Variants in PSD2 observed in about 807,000 individuals in gnomAD.
The protein encoded by PSD2 is pleckstrin and Sec7 domain containing 2, also known as PH and SEC7 domain-containing protein 2.
Under a neutral mutation model 69.8 loss-of-function variants are expected in PSD2, and 38 were observed. The ratio of observed to expected loss-of-function variants is 0.54; its 90% confidence interval spans 0.42 to 0.71. PSD2 has a LOEUF of 0.71. Among genes scored for constraint, PSD2 ranks in the 30% least tolerant of loss-of-function variants. The pLI, the probability that PSD2 is intolerant of heterozygous loss-of-function variation, is 0.00. For synonymous variants in PSD2, 412 were observed against 423.0 expected (o/e 0.97, Z 0.32); for missense variants, 943 against 1,014.5 (o/e 0.93, Z 0.96).
the PSD2 span, among the ~76,000 whole-genome samples, chr5:139,759,617 G>A: frequency 1.3e-5 from 2 of 152,216 alleles, no homozygotes; most frequent in African/African-American, 4.8e-5. Flanking sequence ...TTCTGGAGAC[G>A]GCGATTAATC....
At chr5:139,782,238 C>T in the PSD2 span, among the ~76,000 whole-genome samples, 1 of 152,150 alleles carries the variant, frequency 6.6e-6, no homozygotes. Flanking sequence ...GGCTGGAGTG[C>T]AGTGGCACAA....
intron 1 of PSD2, among the ~76,000 whole-genome samples, chr5:139,799,782 C>T (rs1338081783): frequency 2.0e-5 from 3 of 151,656 alleles, no homozygotes; most frequent in African/African-American, 4.8e-5. Flanking sequence ...TGGGGGGTAT[C>T]GGAGAAGGGG....
the PSD2 span, among the ~76,000 whole-genome samples, chr5:139,771,620 C>T: frequency 3.6e-4 from 55 of 152,198 alleles, 1 homozygote; most frequent in South Asian, 0.011. Flanking sequence ...CCTCGTGATC[C>T]GCCCACCTCG....
At chr5:139,838,890 A>AT (rs1180183958) in intron 13 of PSD2, 118 bp downstream of exon 13, 8 of 1,112,114 alleles carry the variant, frequency 7.2e-6, no homozygotes, top group Non-Finnish European at 9.0e-6. Flanking sequence ...GCTGAAGGAC[A>AT]CCAGAGAAGG....
the PSD2 span, among the ~76,000 whole-genome samples, chr5:139,790,604 A>G: frequency 6.6e-6 from 1 of 152,180 alleles, no homozygotes; most frequent in African/African-American, 2.4e-5. Context: ...AAGGGAAGAA[A>G]GTATGTCAAG....
the PSD2 span, chr5:139,775,376 CA>C: frequency 6.6e-6 from 1 of 152,244 alleles, no homozygotes; most frequent in African/African-American, 2.4e-5. Flanking sequence ...GCGGGAAGGT[CA>C]GGGGCGCCCA....
chr5:139,817,660 C>A, intron 5 of PSD2, 99 bp downstream of exon 5: 2 of 1,090,544 alleles, frequency 1.8e-6, no homozygotes, highest in Non-Finnish European at 2.8e-6. Context: ...CAACCTTGGG[C>A]AAGTCTTTTG....
chr5:139,751,652 T>G, the PSD2 span, among the ~76,000 whole-genome samples: 1 of 152,192 alleles, frequency 6.6e-6, no homozygotes, highest in Non-Finnish European at 1.5e-5. Flanking sequence ...TGTTTCACAG[T>G]GTGCCTGTGA....
In PSD2 at chr5:139,814,825, G is replaced by T. The variant is rs1483188463; in HGVS notation, c.1016+461G>T. On this transcript the variant is annotated intron_variant, in intron 4 of 14. Coordinates refer to ENST00000274710, the MANE Select transcript of PSD2 (RefSeq NM_032289.4). The surrounding 1 kb of genome is among the most constrained non-coding windows in gnomAD (Gnocchi z 4.4). ...AGCTGAAGGGGCTGAAGCCCCCAAAGCACACACCCTGGCCTTCAGACCAGG... is the reference window on the plus strand; with the variant it reads ...AGCTGAAGGGGCTGAAGCCCCCAAATCACACACCCTGGCCTTCAGACCAGG... Among the ~76,000 whole-genome samples, 1 of 152,110 alleles carries T rather than the reference G, an allele frequency of 6.6e-6. No homozygotes were observed. Among genetic ancestry groups the T allele is most frequent in the Non-Finnish European group, 1.5e-5 (1 of 68,004 alleles).
At chr5:139,825,404 G>C (rs1760391655) in intron 7 of PSD2, among the ~76,000 whole-genome samples, 1 of 152,206 alleles carries the variant, frequency 6.6e-6, no homozygotes, top group South Asian at 2.1e-4. Flanking sequence ...GTTATTTGGG[G>C]TTCCTACCTT....
intron 14 of PSD2, among the ~76,000 whole-genome samples, chr5:139,840,552 A>AT (rs200975712): frequency 0.082 from 11,578 of 140,970 alleles, 464 homozygotes; most frequent in Non-Finnish European, 0.088. Flanking sequence ...TCTCATTACT[A>AT]TTTTTTTTTT....
chr5:139,757,187 G>C, the PSD2 span, among the ~76,000 whole-genome samples: 1 of 152,180 alleles, frequency 6.6e-6, no homozygotes, highest in African/African-American at 2.4e-5. Flanking sequence ...GGGGGCAAAG[G>C]GTTTGGAGCT....
the PSD2 span, among the ~76,000 whole-genome samples, chr5:139,761,925 C>T: frequency 6.6e-6 from 1 of 152,228 alleles, no homozygotes; most frequent in Admixed American, 6.5e-5. Flanking sequence ...TACCTCATCC[C>T]AACCATGAGG....
rs1760885895 is a variant in PSD2, at chr5:139,842,203, T to G, written c.2113-68T>G. 10 of 1,306,214 alleles carry G rather than the reference T, an allele frequency of 7.7e-6. No homozygotes were observed. In the South Asian group the frequency reaches 1.2e-4, roughly 16 times the overall value. The allele number at this position is 1,306,214 out of a possible 1,614,324, so 80.9% of individuals were successfully genotyped here. A position where few individuals can be genotyped will look rare whatever the true frequency, so the allele number is the denominator to read the frequency against. On this transcript the variant is annotated intron_variant, in intron 14 of 14. Transcript: ENST00000274710. ...GCATATTAAGGAAATTAGTCTTTTG[T>G]CATATAAGGTGCACATACTTTTTTC...
the PSD2 span, chr5:139,745,037 T>C: frequency 1.3e-5 from 2 of 152,590 alleles, no homozygotes; most frequent in African/African-American, 4.8e-5. Flanking sequence ...TGGAGTCTCT[T>C]AGCTGTCCTG....
At chr5:139,777,958 C>T in the PSD2 span, among the ~76,000 whole-genome samples, 1,053 of 152,350 alleles carry the variant, frequency 6.9e-3, 14 homozygotes, top group African/African-American at 0.023. Context: ...TCCCAACAAC[C>T]ATTCCCTCTC....
At chr5:139,806,436 T>C (rs1475656869) in intron 1 of PSD2, among the ~76,000 whole-genome samples, 1 of 152,240 alleles carries the variant, frequency 6.6e-6, no homozygotes, top group African/African-American at 2.4e-5. Context: ...TCCTGGGTTC[T>C]AGAGACAGCT....
At chr5:139,790,239 C>T in the PSD2 span, among the ~76,000 whole-genome samples, 4 of 151,776 alleles carry the variant, frequency 2.6e-5, no homozygotes, top group Non-Finnish European at 5.9e-5. Flanking sequence ...GCCTTGTGGT[C>T]GTGATGTTTA....
chr5:139,748,754 C>G, the PSD2 span, among the ~76,000 whole-genome samples: 25 of 152,356 alleles, frequency 1.6e-4, no homozygotes, highest in African/African-American at 6.0e-4. Context: ...TCGTCTGTCT[C>G]GGCTCCGCGG....
Sources: allele counts gnomAD v4.1 joint callset (sites outside exome capture counted in the v4.1 genomes callset), GRCh38; gene constraint gnomAD v4.1.1; non-coding constraint Gnocchi (gnomAD v3.1); transcripts MANE v1.5; gene names NCBI Gene and HGNC (gene_info 2026-07-23, HGNC 2026-07-21).